The following GALNT9 variants were observed in gnomAD, a reference collection of about 807,000 sequenced individuals.
GALNT9 encodes polypeptide N-acetylgalactosaminyltransferase 9, also known as GalNAc transferase 9.
Under a neutral mutation model 63.1 loss-of-function variants are expected in GALNT9, and 47 were observed. The ratio of observed to expected loss-of-function variants is 0.75; its 90% CI spans 0.59 to 0.95. GALNT9 has a LOEUF of 0.95. GALNT9 is among the 40% of genes least tolerant of loss of function. The pLI is 0.00. For synonymous variants in GALNT9, 396 were observed against 365.7 expected (o/e 1.08, Z -0.94); for missense variants, 829 against 874.8 (o/e 0.95, Z 0.66).
intron 6 of GALNT9, among the ~76,000 whole-genome samples, chr12:132,213,678 C>T (rs574576011): frequency 2.0e-5 from 3 of 152,354 alleles, no homozygotes; most frequent in African/African-American, 7.2e-5. Context: ...TCTGTGAGCA[C>T]CTAGGGGTTC....
At chr12:132,294,328 G>T (rs559526618) in intron 1 of GALNT9, among the ~76,000 whole-genome samples, 1 of 152,362 alleles carries the variant, frequency 6.6e-6, no homozygotes, top group East Asian at 1.9e-4. Context: ...GGCCCCTGAT[G>T]GTGTGAGGCT....
intron 2 of GALNT9, among the ~76,000 whole-genome samples, chr12:132,267,955 TCA>T (rs1555240384): frequency 5.6e-4 from 55 of 97,896 alleles, no homozygotes; most frequent in African/African-American, 2.2e-3. Context: ...TCACATACAG[TCA>T]CACACATGCA....
chr12:132,227,706 C>T (rs1002485326), intron 6 of GALNT9, among the ~76,000 whole-genome samples: 12 of 152,230 alleles, frequency 7.9e-5, no homozygotes, highest in Non-Finnish European at 1.0e-4. Context: ...CTGAAAGAGC[C>T]CCAGGGGTGT....
In GALNT9 at chr12:132,236,614, A is replaced by G. The variant is rs1358829703; in HGVS notation, c.1077+11296T>C. On this transcript the variant is annotated intron_variant, in intron 6 of 10. Transcript: ENST00000328957. The surrounding 1 kb of genome is among the most constrained non-coding windows in gnomAD (Gnocchi z 5.6). Reference sequence around the variant, plus strand: ...AACTTGCACTTTGATTTCCTTCAAGAGTCCACCCTTATCTGTACCTGGTTA... The same window carrying G: ...AACTTGCACTTTGATTTCCTTCAAGGGTCCACCCTTATCTGTACCTGGTTA... Among the ~76,000 whole-genome samples, 2 of 152,040 alleles carry G rather than the reference A, an allele frequency of 1.3e-5. No homozygotes were observed. Among genetic ancestry groups the G allele is most frequent in the African/African-American group, 4.8e-5 (2 of 41,368 alleles).
intron 1 of GALNT9, among the ~76,000 whole-genome samples, chr12:132,287,047 CACTG>C (rs1555242256): frequency 4.7e-5 from 6 of 129,014 alleles, no homozygotes; most frequent in African/African-American, 1.8e-4. Flanking sequence ...GCAGGTGTGA[CACTG>C]AGTGAGCGCC....
chr12:132,245,200 G>C lies in GALNT9; in HGVS notation c.1077+2710C>G, dbSNP rs1433012501. ...TTCACACCTGGAATCCCAGCACTGT[G>C]GGAGGCAGAGGCGGGCAGATCACCT... On this transcript the variant is annotated intron_variant, in intron 6 of 10. Coordinates refer to ENST00000328957, the MANE Select transcript of GALNT9 (RefSeq NM_001122636.2). This position sits in a 1 kb window ranked among gnomAD's most constrained non-coding sequence, Gnocchi z 6.3. Among the ~76,000 whole-genome samples, 1 of 152,064 alleles carries C rather than the reference G, an allele frequency of 6.6e-6. No individual in the cohort carries two copies. The highest frequency in any genetic ancestry group is 6.5e-5 in the Admixed American group (1 of 15,278).
At chr12:132,306,194 G>A (rs940788354) in intron 1 of GALNT9, among the ~76,000 whole-genome samples, 12 of 152,368 alleles carry the variant, frequency 7.9e-5, no homozygotes, top group Admixed American at 6.5e-4. Context: ...GCGGCTGTCC[G>A]CACCGGAACC....
chr12:132,304,611 A>G (rs182342309), intron 1 of GALNT9, among the ~76,000 whole-genome samples: 8 of 24,522 alleles, frequency 3.3e-4, no homozygotes, highest in Admixed American at 5.1e-4. Flanking sequence ...GCACAGCCTC[A>G]CCCGGGCACA....
In GALNT9 at chr12:132,316,050, C is replaced by A. The variant is rs782608303; in HGVS notation, c.238+12916G>T. Reference sequence around the variant, plus strand: ...CCCGAAACGGCCGCCCACCCCCTCACGCCTGCAGGTCTTGGGTTCCGTCAT... The same window carrying A: ...CCCGAAACGGCCGCCCACCCCCTCAAGCCTGCAGGTCTTGGGTTCCGTCAT... On this transcript the variant is annotated intron_variant, in intron 1 of 10. Coordinates refer to ENST00000328957, the MANE Select transcript of GALNT9 (RefSeq NM_001122636.2). The surrounding 1 kb of genome is among the most constrained non-coding windows in gnomAD (Gnocchi z 4.3). 3.3e-5 allele frequency among the ~76,000 whole-genome samples: 5 copies of A among 152,194 alleles called. No individual in the cohort carries two copies. In the East Asian group the frequency reaches 7.7e-4, roughly 23 times the overall value.
At chr12:132,210,380 C>T (rs941761025) in intron 6 of GALNT9, among the ~76,000 whole-genome samples, 3 of 152,208 alleles carry the variant, frequency 2.0e-5, no homozygotes, top group Admixed American at 6.5e-5. Flanking sequence ...CAACAGGGCT[C>T]GTAGGGTTCT....
At chr12:132,292,359 C>T (rs1880891353) in intron 1 of GALNT9, among the ~76,000 whole-genome samples, 1 of 152,166 alleles carries the variant, frequency 6.6e-6, no homozygotes, top group South Asian at 2.1e-4. Context: ...TCCCCCCATC[C>T]CACAGGAGAG....
In GALNT9 at chr12:132,267,954, G is replaced by C. The variant is rs1017099867; in HGVS notation, c.420-5329C>G. ...GCACACACACACGCACTCACATACAGTCACACACATGCACACAAACCCACA... is the reference window on the plus strand; with the variant it reads ...GCACACACACACGCACTCACATACACTCACACACATGCACACAAACCCACA... On this transcript the variant is annotated intron_variant, in intron 2 of 10. Coordinates refer to ENST00000328957, the MANE Select transcript of GALNT9 (RefSeq NM_001122636.2). Among the ~76,000 whole-genome samples, 13 of 125,984 alleles carry C rather than the reference G, an allele frequency of 1.0e-4. No homozygotes were observed. In the Middle Eastern group the frequency reaches 0.03, roughly 288 times the overall value. The allele number at this position is 125,984 out of a possible 152,430, so 82.7% of individuals were successfully genotyped here.
At chr12:132,323,663 G>T (rs74963571) in intron 1 of GALNT9, among the ~76,000 whole-genome samples, 3,949 of 152,340 alleles carry the variant, frequency 0.026, 168 homozygotes, top group African/African-American at 0.09. Context: ...CCCAGCGGAC[G>T]TCAGAAAACC....
At chr12:132,204,263 G>A (rs576820700) in intron 6 of GALNT9, among the ~76,000 whole-genome samples, 11 of 151,728 alleles carry the variant, frequency 7.2e-5, no homozygotes, top group African/African-American at 2.7e-4. Flanking sequence ...GCTTCCTTCC[G>A]TGTCGTTCCA....
intron 4 of GALNT9, among the ~76,000 whole-genome samples, chr12:132,260,358 G>A (rs1042711292): frequency 1.1e-4 from 17 of 152,208 alleles, no homozygotes; most frequent in African/African-American, 4.1e-4. Flanking sequence ...GTGAGGAGGT[G>A]AAGTCTTGCT....
chr12:132,301,460 C>T (rs782594400), intron 1 of GALNT9, among the ~76,000 whole-genome samples: 4 of 152,248 alleles, frequency 2.6e-5, no homozygotes, highest in Non-Finnish European at 4.4e-5. Context: ...GACCAAGGTG[C>T]CAGCTGGACA....
rs373461693 is a variant in GALNT9 at position 132,282,438 on chromosome 12, C to T, written c.419+3812G>A. On this transcript the variant is annotated intron_variant, in intron 2 of 10. Coordinates refer to ENST00000328957, the MANE Select transcript of GALNT9 (RefSeq NM_001122636.2). This position sits in a 1 kb window ranked among gnomAD's most constrained non-coding sequence, Gnocchi z 4.5. Reference sequence around the variant, plus strand: ...GTGTGTGTGCGTGTGTGCGTGCATGCGTGTGTGTGCGTGTGCATGTGTGTG... The same window carrying T: ...GTGTGTGTGCGTGTGTGCGTGCATGTGTGTGTGTGCGTGTGCATGTGTGTG... Among the ~76,000 whole-genome samples, 33 of 152,172 alleles carry T rather than the reference C, an allele frequency of 2.2e-4. No individual in the cohort carries two copies. Among genetic ancestry groups the T allele is most frequent in the Non-Finnish European group, 3.8e-4 (26 of 67,978 alleles).
intron 5 of GALNT9, 75 bp from the exon 6 acceptor site, chr12:132,248,102 A>C: frequency 6.7e-7 from 1 of 1,491,204 alleles, no homozygotes; most frequent in South Asian, 1.3e-5. Flanking sequence ...ATGAGCCAGG[A>C]AAGCCTGGAA....
At chr12:132,203,469 G>A (rs778153058) in intron 7 of GALNT9, 36 bp downstream of exon 7, 21 of 1,607,966 alleles carry the variant, frequency 1.3e-5, no homozygotes, top group Non-Finnish European at 1.8e-5. Flanking sequence ...CCGACCCTGG[G>A]GCATGGCCCC....
Sources: gnomAD v4.1 joint callset for allele counts (sites outside exome capture counted in the v4.1 genomes callset) on GRCh38, gnomAD v4.1.1 for gene constraint, Gnocchi (gnomAD v3.1) non-coding constraint, MANE v1.5 for transcripts, NCBI Gene and HGNC (gene_info 2026-07-23, HGNC 2026-07-21) for gene names.